Variants in STX18 observed in about 807,000 individuals in gnomAD.
STX18 encodes syntaxin-18.
STX18 carries 40 observed loss-of-function variants against 50.1 expected under a neutral mutation model. The ratio of observed to expected loss-of-function variants is 0.80; its 90% confidence interval spans 0.62 to 1.04. The LOEUF is 1.04. Ranked by LOEUF, STX18 falls within the 50% of genes least tolerant of loss-of-function variation. STX18 has a pLI of 0.00. For synonymous variants in STX18, 158 were observed against 151.8 expected (o/e 1.04, Z -0.30); for missense variants, 410 against 415.8 (o/e 0.99, Z 0.12).
intron 5 of STX18, among the ~76,000 whole-genome samples, chr4:4,447,454 G>A (rs1246872608): frequency 6.6e-6 from 1 of 151,496 alleles, no homozygotes. Context: ...AGCCGGGCGT[G>A]GTAGCGGGCG....
chr4:4,424,858 A>G (rs900543880), intron 8 of STX18, among the ~76,000 whole-genome samples: 10 of 152,030 alleles, frequency 6.6e-5, no homozygotes, highest in Admixed American at 5.9e-4. Context: ...CTGCGTGGAA[A>G]CAGCCCGAAT....
chr4:4,422,190 G>A lies in STX18; in HGVS notation c.832-1246C>T, dbSNP rs544541899. Among the ~76,000 whole-genome samples the A allele has an allele frequency of 5.9e-5, 9 of 152,196 alleles. No homozygotes were observed. In the East Asian group the frequency reaches 1.7e-3, roughly 29 times the overall value. On this transcript the variant is annotated intron_variant, in intron 9 of 10. Coordinates refer to ENST00000306200, the MANE Select transcript of STX18 (RefSeq NM_016930.4). The stretch of plus-strand genomic sequence containing the variant: ...GTGTGAACTAAGTGACCACTGCCAA[G>A]GTTCCAATGAGAGAATCAATATGAA...
At chr4:4,437,876 T>A (rs1179378070) in intron 6 of STX18, among the ~76,000 whole-genome samples, 1 of 152,264 alleles carries the variant, frequency 6.6e-6, no homozygotes, top group East Asian at 1.9e-4. Context: ...AGACCCTGTA[T>A]TTCTTCTGCA....
intron 7 of STX18, among the ~76,000 whole-genome samples, chr4:4,430,338 T>A (rs907579649): frequency 6.6e-6 from 1 of 152,252 alleles, no homozygotes; most frequent in African/African-American, 2.4e-5. Flanking sequence ...TCTTTCTCTT[T>A]ATTTTCAAAG....
intron 1 of STX18, among the ~76,000 whole-genome samples, chr4:4,474,998 T>C (rs1329264669): frequency 6.6e-6 from 1 of 152,180 alleles, no homozygotes; most frequent in East Asian, 1.9e-4. Flanking sequence ...TTAGAAGCCA[T>C]AAAGTTTTCC....
intron 5 of STX18, among the ~76,000 whole-genome samples, chr4:4,440,894 T>A (rs1048370856): frequency 2.0e-5 from 3 of 152,200 alleles, no homozygotes; most frequent in Non-Finnish European, 2.9e-5. Flanking sequence ...TGGGAACACC[T>A]TGGCTGGGTG....
At chr4:4,477,624 G>T (rs546705758) in intron 1 of STX18, among the ~76,000 whole-genome samples, 2 of 152,126 alleles carry the variant, frequency 1.3e-5, no homozygotes, top group African/African-American at 4.8e-5. Context: ...ATTTCCTCAG[G>T]GACATGTGGG....
chr4:4,464,792 C>T (rs1727539193), intron 2 of STX18, among the ~76,000 whole-genome samples: 1 of 151,078 alleles, frequency 6.6e-6, no homozygotes, highest in South Asian at 2.1e-4. Context: ...TTTAAATCTT[C>T]TCTCTTTTCT....
At chr4:4,482,077 G>A (rs1053604959) in intron 1 of STX18, among the ~76,000 whole-genome samples, 1 of 152,040 alleles carries the variant, frequency 6.6e-6, no homozygotes, top group African/African-American at 2.4e-5. Flanking sequence ...CCTCCCTCGG[G>A]TTCCAGAACA....
At chr4:4,509,114 C>T (rs943679417) in intron 1 of STX18, among the ~76,000 whole-genome samples, 2 of 152,108 alleles carry the variant, frequency 1.3e-5, no homozygotes, top group African/African-American at 2.4e-5. Flanking sequence ...GTATTTCTGC[C>T]TCTAGTTATT....
At chr4:4,538,736 A>G (rs2108934663) in intron 1 of STX18, among the ~76,000 whole-genome samples, 2 of 152,228 alleles carry the variant, frequency 1.3e-5, no homozygotes, top group Middle Eastern at 3.4e-3. Context: ...AGACTTGCCC[A>G]AGTTCACCCA....
intron 1 of STX18, among the ~76,000 whole-genome samples, chr4:4,495,815 A>G (rs557745350): frequency 2.5e-4 from 38 of 152,278 alleles, no homozygotes; most frequent in African/African-American, 9.1e-4. Context: ...GTAAACTCAA[A>G]CAAGTTTTTA....
At chr4:4,465,290 G>T (rs1394268579) in intron 2 of STX18, among the ~76,000 whole-genome samples, 1 of 152,046 alleles carries the variant, frequency 6.6e-6, no homozygotes, top group Non-Finnish European at 1.5e-5. Context: ...AAAGACACAT[G>T]GACAAGTACT....
chr4:4,501,291 C>A (rs13129540), intron 1 of STX18, among the ~76,000 whole-genome samples: 1 of 152,106 alleles, frequency 6.6e-6, no homozygotes, highest in Non-Finnish European at 1.5e-5. Flanking sequence ...CACATTTTTG[C>A]GACATGGTTC....
chr4:4,421,547 G>A (rs944646732), intron 9 of STX18, among the ~76,000 whole-genome samples: 3 of 152,162 alleles, frequency 2.0e-5, no homozygotes, highest in Non-Finnish European at 4.4e-5. Context: ...GAGCCACCGC[G>A]CAGGGCTGAG....
intron 1 of STX18, 33 bp downstream of exon 1, chr4:4,541,764 C>A: frequency 1.3e-6 from 2 of 1,586,060 alleles, no homozygotes; most frequent in Non-Finnish European, 1.7e-6. Context: ...CTGCCCCCTC[C>A]TCAACCCGCC....
At chr4:4,536,594 G>C (rs987223898) in intron 1 of STX18, among the ~76,000 whole-genome samples, 1 of 152,150 alleles carries the variant, frequency 6.6e-6, no homozygotes, top group Admixed American at 6.5e-5. Flanking sequence ...AAATGTGCCT[G>C]ATGCATGTGA....
Position 4,541,919 on chromosome 4 carries a change from C to G in STX18, c.46G>C (p.Val16Leu). Residue 16 changes from valine to leucine, a missense_variant, in exon 1 of 11, where the codon GTG becomes CTG. Coordinates refer to ENST00000306200, the MANE Select transcript of STX18 (RefSeq NM_016930.4). ...CCCAGCGCCTTGTTCCGCGTCTTCA[C>G]GGTCTTGACGCTGGCCCGGAATAGC... ...TLLFRASVKT[V>L]KTRNKALGVA... 1 of 1,609,950 alleles carries G rather than the reference C, an allele frequency of 6.2e-7. No homozygotes were observed. The highest frequency in any genetic ancestry group is 8.5e-7 in the Non-Finnish European group (1 of 1,178,684).
chr4:4,480,334 T>G (rs1728396305), intron 1 of STX18, among the ~76,000 whole-genome samples: 1 of 152,200 alleles, frequency 6.6e-6, no homozygotes, highest in African/African-American at 2.4e-5. Flanking sequence ...GCCCACATCC[T>G]CATGCCCAAG....
Sources: allele counts gnomAD v4.1 joint callset (sites outside exome capture counted in the v4.1 genomes callset), GRCh38; gene constraint gnomAD v4.1.1; transcripts MANE v1.5; gene names NCBI Gene and HGNC (gene_info 2026-07-23, HGNC 2026-07-21).